The following KCNQ5 variants were observed in gnomAD, a reference collection of about 807,000 sequenced individuals.
KCNQ5 encodes the protein potassium voltage-gated channel subfamily Q member 5.
Under a neutral mutation model 98.2 loss-of-function variants are expected in KCNQ5, and 30 were observed. That is an observed-to-expected ratio of 0.31 (90% confidence interval 0.23 to 0.41). KCNQ5 has a LOEUF of 0.41. Among genes scored for constraint, KCNQ5 ranks in the 10% least tolerant of loss-of-function variants. The probability of loss-of-function intolerance (pLI) is 1.00; values close to 1 mark genes in which losing one functional copy is unlikely to be tolerated. For missense variants in KCNQ5, 835 were observed against 1,182.5 expected (o/e 0.71, Z 4.31); for synonymous variants, 458 against 449.4 (o/e 1.02, Z -0.24).
At chr6:72,717,631 C>T (rs1769712275) in intron 1 of KCNQ5, among the ~76,000 whole-genome samples, 1 of 152,048 alleles carries the variant, frequency 6.6e-6, no homozygotes, top group African/African-American at 2.4e-5. Context: ...TTATGTAGGG[C>T]CTTGGGGCTC....
chr6:73,092,196 T>C (rs1301396874), intron 5 of KCNQ5, among the ~76,000 whole-genome samples: 1 of 152,128 alleles, frequency 6.6e-6, no homozygotes, highest in African/African-American at 2.4e-5. Flanking sequence ...TGTTGGTGTA[T>C]AGAAGAGATA....
In KCNQ5 at chr6:73,194,437, T is replaced by C. The variant is rs1461134253; in HGVS notation, c.1837-15T>C. 1.7e-5 allele frequency: 27 copies of C among 1,589,420 alleles called. No individual in the cohort carries two copies. The highest frequency in any genetic ancestry group is 2.0e-5 in the Non-Finnish European group (23 of 1,166,398). ...ACAGATTATACTCATGTGTAACCATTTTCCTCACTTCTAGGTACAGTCCAT... is the reference window on the plus strand; with the variant it reads ...ACAGATTATACTCATGTGTAACCATCTTCCTCACTTCTAGGTACAGTCCAT... On this transcript the variant is annotated splice_polypyrimidine_tract_variant and intron_variant, in intron 13 of 13. Coordinates refer to ENST00000370398, the MANE Select transcript of KCNQ5 (RefSeq NM_019842.4).
chr6:73,183,257 T>G lies in KCNQ5; in HGVS notation c.1578-7316T>G, dbSNP rs550338032. On this transcript the variant is annotated intron_variant, in intron 11 of 13. Coordinates refer to ENST00000370398, the MANE Select transcript of KCNQ5 (RefSeq NM_019842.4). ...AATGGTAAAAATGTGAGCCTTGGCA[T>G]CTGCAGTAACCTTGTTCTTACTAGT... is the stretch of plus-strand genomic sequence containing the variant. Among the ~76,000 whole-genome samples, 16 of 152,330 alleles carry G rather than the reference T, an allele frequency of 1.1e-4. No individual in the cohort carries two copies. The South Asian group carries it at 3.1e-3, about 30-fold the overall frequency.
intron 1 of KCNQ5, among the ~76,000 whole-genome samples, chr6:72,793,049 T>C (rs1774142639): frequency 6.6e-6 from 1 of 152,188 alleles, no homozygotes; most frequent in South Asian, 2.1e-4. Context: ...GAGCAGGCAT[T>C]ATATGGCAAG....
At position 72,966,775 on chromosome 6, in the gene KCNQ5, G is replaced by A. The variant is rs866733573; in HGVS notation, c.399-37133G>A. Among the ~76,000 whole-genome samples, 18 of 152,210 alleles carry A rather than the reference G, an allele frequency of 1.2e-4. 1 individual carries two copies. Among genetic ancestry groups the A allele is most frequent in the Middle Eastern group, 3.4e-3 (1 of 294 alleles). ...ATTGTGAGATAGGGCCAAATGCTTC[G>A]AGAATTTACTCCATACAGACTGTGT... On this transcript the variant is annotated intron_variant, in intron 1 of 13. Transcript: ENST00000370398.
At position 73,158,781 on chromosome 6, in the gene KCNQ5, A is replaced by G. The variant is rs115790358; in HGVS notation, c.1469-10965A>G. On this transcript the variant is annotated intron_variant, in intron 10 of 13. Transcript: ENST00000370398. ...TTTTCACATACTATTGTACATAGTT[A>G]TAATCAACATAAGTAGTTTCATATT... 5.7e-3 allele frequency among the ~76,000 whole-genome samples: 865 copies of G among 152,286 alleles called. 11 individuals carry two copies. Among genetic ancestry groups the G allele is most frequent in the African/African-American group, 0.02 (835 of 41,566 alleles).
At chr6:72,753,650 T>C (rs1771802972) in intron 1 of KCNQ5, among the ~76,000 whole-genome samples, 1 of 152,156 alleles carries the variant, frequency 6.6e-6, no homozygotes, top group South Asian at 2.1e-4. Context: ...TAGTATCTTA[T>C]AGTTTTAATC....
rs562081044 is a variant in KCNQ5, at chr6:72,939,006, C to A, written c.399-64902C>A. ...TAAGACATACAATATCTAAAACTTG[C>A]AAAAACTCATTAACCCTGTACCACA... On this transcript the variant is annotated intron_variant, in intron 1 of 13. Transcript: ENST00000370398. 3.9e-5 allele frequency among the ~76,000 whole-genome samples: 6 copies of A among 152,264 alleles called. No homozygotes were observed. The South Asian group carries it at 1.2e-3, about 32-fold the overall frequency.
At chr6:73,063,386 AG>A (rs1414939555) in intron 3 of KCNQ5, among the ~76,000 whole-genome samples, 2 of 152,130 alleles carry the variant, frequency 1.3e-5, no homozygotes, top group African/African-American at 4.8e-5. Flanking sequence ...TGTTTCTGGA[AG>A]TAATTTATCG....
chr6:73,194,584 T>C lies in KCNQ5; in HGVS notation c.1969T>C (p.Tyr657His). The change falls in exon 14 of 14, where the codon TAT becomes CAT. Residue 657 changes from tyrosine (Y) to histidine (H), a missense_variant. By Grantham distance (83) the Tyr-to-His change is moderately conservative. This residue lies in a region of KCNQ5 where 416 missense variants were observed against 446.9 expected (regional missense o/e 0.93). Transcript: ENST00000370398. ...PPFECEQTSD[Y>H]QSPVDSKDLS... ...TTTTGAATGTGAACAGACATCTGAC[T>C]ATCAAAGCCCTGTGGATAGCAAAGA... The C allele has an allele frequency of 6.2e-7, 1 of 1,614,222 alleles. No homozygotes were observed. The highest frequency in any genetic ancestry group is 8.5e-7 in the Non-Finnish European group (1 of 1,180,036).
intron 1 of KCNQ5, among the ~76,000 whole-genome samples, chr6:72,751,254 C>T (rs1261315463): frequency 6.6e-6 from 1 of 150,828 alleles, no homozygotes; most frequent in Non-Finnish European, 1.5e-5. Flanking sequence ...AAGGCATGGA[C>T]TCAAGAAAGT....
intron 1 of KCNQ5, among the ~76,000 whole-genome samples, chr6:72,838,916 C>G (rs1264602562): frequency 3.0e-5 from 4 of 135,028 alleles, no homozygotes; most frequent in Non-Finnish European, 4.6e-5. Flanking sequence ...CGCCACTGCA[C>G]TCCAGCCTGG....
intron 5 of KCNQ5, among the ~76,000 whole-genome samples, chr6:73,092,586 T>C (rs1379221874): frequency 6.6e-6 from 1 of 152,182 alleles, no homozygotes; most frequent in East Asian, 1.9e-4. Context: ...AGATGTCCTT[T>C]GTGTACCAGT....
intron 1 of KCNQ5, among the ~76,000 whole-genome samples, chr6:72,917,767 G>A (rs1464190792): frequency 6.6e-6 from 1 of 152,022 alleles, no homozygotes. Context: ...CACCATGCGC[G>A]GCCAGGAGCT....
intron 1 of KCNQ5, among the ~76,000 whole-genome samples, chr6:72,797,339 CA>C (rs1774392224): frequency 6.6e-6 from 1 of 151,832 alleles, no homozygotes; most frequent in African/African-American, 2.4e-5. Flanking sequence ...CCCATCTCTA[CA>C]AAACATATGA....
At chr6:73,160,063 G>C (rs907905551) in intron 10 of KCNQ5, among the ~76,000 whole-genome samples, 2 of 152,136 alleles carry the variant, frequency 1.3e-5, no homozygotes, top group Non-Finnish European at 2.9e-5. Flanking sequence ...GCCCAGGCTG[G>C]AGTGCACTGG....
chr6:73,182,550 C>T (rs1314803082), intron 11 of KCNQ5, among the ~76,000 whole-genome samples: 1 of 152,068 alleles, frequency 6.6e-6, no homozygotes, highest in Non-Finnish European at 1.5e-5. Context: ...GTAGTTAAAG[C>T]CCTTAGTATA....
In KCNQ5 at chr6:72,890,037, G is replaced by A. The variant is rs367559585; in HGVS notation, c.399-113871G>A. Among the ~76,000 whole-genome samples, 19 of 152,106 alleles carry A rather than the reference G, an allele frequency of 1.2e-4. No individual in the cohort carries two copies. The East Asian group carries it at 2.3e-3, about 19-fold the overall frequency. ...AAGAAGATGTCTATTTACCCTCAGC[G>A]AGCAGTCACAGTGCCCTCTGCCCAG... On this transcript the variant is annotated intron_variant, in intron 1 of 13. Transcript: ENST00000370398.
chr6:73,013,156 T>C (rs916877395), intron 2 of KCNQ5, among the ~76,000 whole-genome samples: 2 of 152,138 alleles, frequency 1.3e-5, no homozygotes, highest in Non-Finnish European at 2.9e-5. Flanking sequence ...GGAAGCTTGC[T>C]ACATAAACAT....
Sources: allele counts gnomAD v4.1 joint callset (sites outside exome capture counted in the v4.1 genomes callset), GRCh38; gene constraint gnomAD v4.1.1; regional missense constraint gnomAD v4.1.1; transcripts MANE v1.5; gene names NCBI Gene and HGNC (gene_info 2026-07-23, HGNC 2026-07-21).